SLCO1B1: variants seen among roughly 807,000 people sequenced by gnomAD.
The protein encoded by SLCO1B1 is solute carrier organic anion transporter family member 1B1, also known as OATP-2.
Under a neutral mutation model 70.1 loss-of-function variants are expected in SLCO1B1, and 81 were observed. The observed-to-expected ratio is 1.16, with a 90% CI of 0.97 to 1.39. SLCO1B1 has a LOEUF of 1.39. Among genes scored for constraint, SLCO1B1 ranks in the 40% most tolerant of loss-of-function variants. The pLI is 0.00. For missense variants in SLCO1B1, 895 were observed against 799.6 expected, an observed-to-expected ratio of 1.12 and a Z score of -1.44; for synonymous variants, 283 against 271.5, an observed-to-expected ratio of 1.04 and a Z score of -0.42.
chr12:21,212,468 A>C (rs1941299676), intron 11 of SLCO1B1, among the ~76,000 whole-genome samples: 1 of 143,732 alleles, frequency 7.0e-6, no homozygotes, highest in African/African-American at 2.6e-5. Context: ...TTTGCTGAGG[A>C]GAGCTTTACT....
At position 21,200,610 on chromosome 12, in the gene SLCO1B1, A is replaced by C. The variant is rs762219334; in HGVS notation, c.1073A>C (p.Tyr358Ser). The C allele has an allele frequency of 6.8e-6, 11 of 1,612,162 alleles. No individual in the cohort carries two copies. The South Asian group carries it at 1.1e-4, about 16-fold the overall frequency. The change falls in exon 9 of 15, where the codon TAT becomes TCT. Residue 358 changes from tyrosine (Y) to serine (S), a missense_variant. Coordinates refer to ENST00000256958, the MANE Select transcript of SLCO1B1 (RefSeq NM_006446.5). ...QVSSYIGAFTYVFKYVEQQYG... is the reference protein window; with the variant it reads ...QVSSYIGAFTSVFKYVEQQYG... ...AGCAGCTATATTGGTGCTTTTACTT[A>C]TGTCTTCAAATACGTAGAGCAACAG...
chr12:21,141,765 A>T, intron 2 of SLCO1B1, 107 bp downstream of exon 2: 1 of 655,864 alleles, frequency 1.5e-6, no homozygotes, highest in East Asian at 3.0e-5. Flanking sequence ...TATAATTTTC[A>T]ATTGAAGCAT....
intron 2 of SLCO1B1, among the ~76,000 whole-genome samples, chr12:21,148,026 A>G (rs1459548645): frequency 1.3e-5 from 2 of 152,154 alleles, no homozygotes; most frequent in Non-Finnish European, 2.9e-5. Flanking sequence ...GTGTCTGTTC[A>G]TATCCTTGGC....
At chr12:21,222,220 A>G in intron 12 of SLCO1B1, 80 bp from the exon 13 acceptor site, 1 of 613,660 alleles carries the variant, frequency 1.6e-6, no homozygotes. Flanking sequence ...GGAGAAAAAC[A>G]ACACAGGAGA....
chr12:21,141,769 G>A (rs961056940), intron 2 of SLCO1B1, 111 bp downstream of exon 2: 5 of 635,352 alleles, frequency 7.9e-6, no homozygotes, highest in Middle Eastern at 4.2e-4. Context: ...ATTTTCAATT[G>A]AAGCATATAT....
At chr12:21,186,350 C>A (rs1451374097) in intron 7 of SLCO1B1, among the ~76,000 whole-genome samples, 1 of 152,080 alleles carries the variant, frequency 6.6e-6, no homozygotes, top group Non-Finnish European at 1.5e-5. Flanking sequence ...GTTGAAAGCA[C>A]CTGCTTAAAA....
chr12:21,189,581 G>T (rs1291111149), intron 7 of SLCO1B1, among the ~76,000 whole-genome samples: 1 of 151,954 alleles, frequency 6.6e-6, no homozygotes, highest in Non-Finnish European at 1.5e-5. Context: ...CAGAGTATCT[G>T]GGATTACAGG....
At chr12:21,135,148 G>A (rs891106604) in intron 1 of SLCO1B1, among the ~76,000 whole-genome samples, 1 of 152,160 alleles carries the variant, frequency 6.6e-6, no homozygotes, top group African/African-American at 2.4e-5. Context: ...GCAGTTTTGA[G>A]TGAGTTTCTT....
chr12:21,154,838 T>A (rs1429191994), intron 2 of SLCO1B1, among the ~76,000 whole-genome samples: 1 of 152,146 alleles, frequency 6.6e-6, no homozygotes, highest in Non-Finnish European at 1.5e-5. Flanking sequence ...TGAGCATATA[T>A]CTCTTTATAG....
chr12:21,155,021 T>G lies in SLCO1B1; in HGVS notation c.84+13363T>G, dbSNP rs571154031. ...TTCTTGTCTTTGATATTCATAAATT[T>G]TAATATACTTCTTCCAAATATGTCT... is the stretch of plus-strand genomic sequence containing the variant. On this transcript the variant is annotated intron_variant, in intron 2 of 14. Coordinates refer to ENST00000256958, the MANE Select transcript of SLCO1B1 (RefSeq NM_006446.5). Among the ~76,000 whole-genome samples, 12 of 152,180 alleles carry G rather than the reference T, an allele frequency of 7.9e-5. No homozygotes were observed. The South Asian group carries it at 2.5e-3, about 31-fold the overall frequency.
rs182769903 is a variant in SLCO1B1 at position 21,176,710 on chromosome 12, A to G, written c.360-66A>G. 361 of 1,258,352 alleles carry G rather than the reference A, an allele frequency of 2.9e-4. 5 individuals are homozygous for G. The African/African-American group carries it at 5.0e-3, about 17-fold the overall frequency. 77.9% of individuals were successfully genotyped at this position (1,258,352 alleles called of 1,614,324 possible). ...CAAATAAAGGGGAATATTTCTCTGT[A>G]TTTCTAGGAAAAGTGAAAATATTCA... is the stretch of plus-strand genomic sequence containing the variant. On this transcript the variant is annotated intron_variant, in intron 4 of 14. Coordinates refer to ENST00000256958, the MANE Select transcript of SLCO1B1 (RefSeq NM_006446.5).
chr12:21,152,028 T>A (rs1940477007), intron 2 of SLCO1B1, among the ~76,000 whole-genome samples: 1 of 152,114 alleles, frequency 6.6e-6, no homozygotes, highest in Non-Finnish European at 1.5e-5. Context: ...ATGCTATACC[T>A]TTTTTAGTTG....
intron 13 of SLCO1B1, among the ~76,000 whole-genome samples, chr12:21,223,201 G>A (rs1434956578): frequency 6.6e-6 from 1 of 152,134 alleles, no homozygotes; most frequent in Non-Finnish European, 1.5e-5. Flanking sequence ...AAAAAAATGA[G>A]TTTCACCATT....
chr12:21,143,141 C>T (rs552517772), intron 2 of SLCO1B1, among the ~76,000 whole-genome samples: 30 of 152,032 alleles, frequency 2.0e-4, no homozygotes, highest in African/African-American at 6.3e-4. Context: ...TAAAGACTTG[C>T]GTGCCTGTAG....
chr12:21,217,240 T>C lies in SLCO1B1; in HGVS notation c.1619T>C (p.Ile540Thr). 1 of 1,613,794 alleles carries C rather than the reference T, an allele frequency of 6.2e-7. No homozygotes were observed. Among genetic ancestry groups the C allele is most frequent in the Non-Finnish European group, 8.5e-7 (1 of 1,179,768 alleles). Residue 540 changes from isoleucine to threonine, a missense_variant, in exon 12 of 15, where the codon ATA becomes ACA. Ile to Thr is a moderately conservative substitution (Grantham distance 89). Transcript: ENST00000256958. The stretch of plus-strand genomic sequence containing the variant: ...AGGAAATTTTACTTTTTTGTTGCAA[T>C]ACAAGTCTTGAATTTATTTTTCTCT... ...CTRKFYFFVA[I>T]QVLNLFFSAL...
chr12:21,219,711 G>T (rs1565442668), intron 12 of SLCO1B1, among the ~76,000 whole-genome samples: 1 of 151,680 alleles, frequency 6.6e-6, no homozygotes, highest in African/African-American at 2.4e-5. Context: ...TAAATGAAAT[G>T]AGTAAATGAA....
At chr12:21,215,130 A>G (rs1217736571) in intron 11 of SLCO1B1, among the ~76,000 whole-genome samples, 2 of 152,280 alleles carry the variant, frequency 1.3e-5, no homozygotes, top group East Asian at 3.9e-4. Flanking sequence ...TAGTGCAGAG[A>G]GATAATGTGA....
At chr12:21,138,437 G>C (rs1256709312) in intron 1 of SLCO1B1, among the ~76,000 whole-genome samples, 1 of 152,196 alleles carries the variant, frequency 6.6e-6, no homozygotes, top group East Asian at 1.9e-4. Flanking sequence ...AATATGTTCA[G>C]AGAAAAATAT....
rs11045888 is a variant in SLCO1B1, at chr12:21,235,446, G to A, written c.1866-3533G>A. ...TAAGTCTATGGGTGTCCTTACATAC[G>A]AGATGGATTCCTTAAGGGCAGCAGA... On this transcript the variant is annotated intron_variant, in intron 14 of 14. Coordinates refer to ENST00000256958, the MANE Select transcript of SLCO1B1 (RefSeq NM_006446.5). Among the ~76,000 whole-genome samples, 143 of 147,038 alleles carry A rather than the reference G, an allele frequency of 9.7e-4. 1 individual carries two copies. The highest frequency in any genetic ancestry group is 3.2e-3 in the African/African-American group (128 of 39,882).
Sources: gnomAD v4.1 joint callset for allele counts (sites outside exome capture counted in the v4.1 genomes callset) on GRCh38, gnomAD v4.1.1 for gene constraint, MANE v1.5 for transcripts, NCBI Gene and HGNC (gene_info 2026-07-23, HGNC 2026-07-21) for gene names.